Variants in EPB41L2 observed in about 807,000 individuals in gnomAD.
EPB41L2 encodes the protein erythrocyte membrane protein band 4.1 like 2, also known as band 4.1-like protein 2.
In EPB41L2, 43 loss-of-function variants were observed where a neutral mutation model predicts 113.0. The observed-to-expected ratio is 0.38, with a 90% CI of 0.30 to 0.49. The LOEUF is 0.49. Among genes scored for constraint, EPB41L2 ranks in the 20% least tolerant of loss-of-function variants. The pLI is 0.95. For synonymous variants in EPB41L2, 442 were observed against 436.7 expected (o/e 1.01, Z -0.15); for missense variants, 1,147 against 1,223.4 (o/e 0.94, Z 0.93).
intron 1 of EPB41L2, among the ~76,000 whole-genome samples, chr6:131,046,506 G>T (rs1332779227): frequency 6.6e-6 from 1 of 152,106 alleles, no homozygotes; most frequent in Admixed American, 6.5e-5. Flanking sequence ...ACAGATTCAG[G>T]ATAAACACCT....
chr6:130,923,753 G>A (rs1269559721), intron 4 of EPB41L2, among the ~76,000 whole-genome samples: 3 of 152,174 alleles, frequency 2.0e-5, no homozygotes, highest in Admixed American at 6.5e-5. Context: ...GCAGAGTCAC[G>A]TCCTCACCGT....
chr6:130,845,273 G>A (rs1008143767), intron 19 of EPB41L2, among the ~76,000 whole-genome samples: 2 of 152,234 alleles, frequency 1.3e-5, no homozygotes, highest in Non-Finnish European at 2.9e-5. Context: ...TTTTCAGTGT[G>A]TTGGCATTTT....
At chr6:130,878,051 GT>G (rs1368380069) in intron 14 of EPB41L2, 52 bp downstream of exon 14, 1 of 1,496,080 alleles carries the variant, frequency 6.7e-7, no homozygotes, top group Non-Finnish European at 8.9e-7. Flanking sequence ...AACAATTTAA[GT>G]TTTATTGAGC....
At chr6:131,058,332 T>C (rs1797994432) in intron 1 of EPB41L2, among the ~76,000 whole-genome samples, 1 of 152,132 alleles carries the variant, frequency 6.6e-6, no homozygotes, top group Non-Finnish European at 1.5e-5. Flanking sequence ...TAATTAAAAT[T>C]AATACTATCC....
rs79828806 is a variant in EPB41L2, at chr6:130,919,796, T to A, written c.810+6809A>T. 2.6e-5 allele frequency among the ~76,000 whole-genome samples: 4 copies of A among 152,268 alleles called. No individual in the cohort carries two copies. In the East Asian group the frequency reaches 7.7e-4, roughly 29 times the overall value. On this transcript the variant is annotated intron_variant, in intron 4 of 19. Transcript: ENST00000337057. ...AATTAGAGAAAAACACACACAAATA[T>A]ATTCTGCTGCCATCCCAAATGTATG... is the stretch of plus-strand genomic sequence containing the variant.
chr6:130,852,820 C>T (rs1329452414), intron 19 of EPB41L2, among the ~76,000 whole-genome samples: 1 of 152,206 alleles, frequency 6.6e-6, no homozygotes, highest in Non-Finnish European at 1.5e-5. Flanking sequence ...AAGTATCCCA[C>T]AATCCAGCTA....
At chr6:130,955,380 A>G in intron 2 of EPB41L2, 63 bp from the exon 3 acceptor site, 1 of 1,448,840 alleles carries the variant, frequency 6.9e-7, no homozygotes, top group Non-Finnish European at 9.5e-7. Context: ...ACAACATACT[A>G]AAAGGAAAAT....
chr6:130,901,868 T>C (rs927959571), intron 6 of EPB41L2, among the ~76,000 whole-genome samples: 8 of 152,206 alleles, frequency 5.3e-5, no homozygotes, highest in African/African-American at 1.9e-4. Flanking sequence ...ATAAATAAAA[T>C]ATCTGGTACA....
chr6:130,925,355 A>AT (rs1804350434), intron 4 of EPB41L2, among the ~76,000 whole-genome samples: 1 of 151,694 alleles, frequency 6.6e-6, no homozygotes, highest in Non-Finnish European at 1.5e-5. Context: ...TGCCCGGCTA[A>AT]TTTTTGTATT....
chr6:131,022,868 G>A (rs1347286986), intron 1 of EPB41L2, among the ~76,000 whole-genome samples: 1 of 152,144 alleles, frequency 6.6e-6, no homozygotes, highest in Non-Finnish European at 1.5e-5. Context: ...TAGATATTAA[G>A]TAATCAAACA....
intron 1 of EPB41L2, among the ~76,000 whole-genome samples, chr6:131,045,350 A>C (rs537761248): frequency 2.1e-4 from 32 of 150,630 alleles, no homozygotes; most frequent in Non-Finnish European, 3.1e-4. Flanking sequence ...ATGAATATTT[A>C]ATATTTAAAT....
chr6:131,024,672 C>G (rs2128743926), intron 1 of EPB41L2, among the ~76,000 whole-genome samples: 1 of 137,252 alleles, frequency 7.3e-6, no homozygotes, highest in East Asian at 2.4e-4. Context: ...ACATAATTCC[C>G]TTACTTAACA....
At chr6:131,015,174 T>C (rs1787916711) in intron 1 of EPB41L2, 2 of 152,172 alleles carry the variant, frequency 1.3e-5, no homozygotes, top group Non-Finnish European at 2.9e-5. Context: ...TTCACATTAT[T>C]GTTTATCAGC....
intron 1 of EPB41L2, among the ~76,000 whole-genome samples, chr6:131,004,979 T>C (rs1307944699): frequency 2.0e-5 from 3 of 152,202 alleles, no homozygotes; most frequent in Non-Finnish European, 4.4e-5. Context: ...TTACTATTCA[T>C]AACAATCAAG....
At chr6:131,004,113 G>C (rs1165550339) in intron 1 of EPB41L2, among the ~76,000 whole-genome samples, 1 of 152,180 alleles carries the variant, frequency 6.6e-6, no homozygotes, top group African/African-American at 2.4e-5. Flanking sequence ...TGAACGACTT[G>C]TTCTGCCTGC....
At chr6:131,038,622 C>T (rs529429501) in intron 1 of EPB41L2, among the ~76,000 whole-genome samples, 2 of 152,260 alleles carry the variant, frequency 1.3e-5, no homozygotes, top group African/African-American at 4.8e-5. Context: ...ACAGTATAAC[C>T]TTTTATTTAC....
intron 1 of EPB41L2, among the ~76,000 whole-genome samples, chr6:131,023,737 A>C (rs917612847): frequency 1.2e-5 from 1 of 84,048 alleles, no homozygotes; most frequent in African/African-American, 3.9e-5. Context: ...GTGTATATAT[A>C]TCTATATATC....
chr6:130,984,529 C>T (rs1293731283), intron 1 of EPB41L2, among the ~76,000 whole-genome samples: 3 of 152,186 alleles, frequency 2.0e-5, no homozygotes, highest in African/African-American at 7.2e-5. Flanking sequence ...CCACTAGAAT[C>T]TTATGGGACC....
intron 1 of EPB41L2, among the ~76,000 whole-genome samples, chr6:130,987,783 C>T (rs1482388947): frequency 6.6e-6 from 1 of 151,900 alleles, no homozygotes; most frequent in Non-Finnish European, 1.5e-5. Flanking sequence ...GAAAGGTAGT[C>T]AGTAGAAACA....
Sources: allele counts gnomAD v4.1 joint callset (sites outside exome capture counted in the v4.1 genomes callset), GRCh38; gene constraint gnomAD v4.1.1; transcripts MANE v1.5; gene names NCBI Gene and HGNC (gene_info 2026-07-23, HGNC 2026-07-21).